The following RANBP6 variants were observed in gnomAD, a reference collection of about 807,000 sequenced individuals.
The protein encoded by RANBP6 is ran-binding protein 6.
Under a neutral mutation model 35.3 loss-of-function variants are expected in RANBP6, and 10 were observed. The ratio of observed to expected loss-of-function variants is 0.28; its 90% CI spans 0.17 to 0.48. The LOEUF (loss-of-function observed/expected upper bound fraction) is 0.48, where lower values mean the gene tolerates loss of function less well. Ranked by LOEUF, RANBP6 falls within the 20% of genes least tolerant of loss-of-function variation. The probability of loss-of-function intolerance (pLI) is 0.99; values close to 1 mark genes in which losing one functional copy is unlikely to be tolerated. For synonymous variants in RANBP6, 514 were observed against 464.2 expected (o/e 1.11, Z -1.38); for missense variants, 1,392 against 1,307.7 (o/e 1.06, Z -0.99).
chr9:6,012,919 C>G lies in RANBP6; in HGVS notation c.2689G>C (p.Asp897His). The G allele has an allele frequency of 1.2e-6, 2 of 1,614,132 alleles. No individual in the cohort carries two copies. The highest frequency in any genetic ancestry group is 1.7e-6 in the Non-Finnish European group (2 of 1,180,022). ...GGACTGCAGTGCTCTATGATGTCAT[C>G]AAATATGCACAATCCCCACTGTCTG... is the stretch of plus-strand genomic sequence containing the variant. ...PDRQWGLCIF[D>H]DIIEHCSPTS... The change falls in exon 1 of 1, where the codon GAT becomes CAT. Residue 897 changes from aspartate to histidine, a missense_variant. Asp to His is a moderately conservative substitution (Grantham distance 81, BLOSUM62 -1). Transcript: ENST00000259569.
In RANBP6 at chr9:6,011,843, A is replaced by G. The variant is rs374356592; in HGVS notation, c.*447T>C. ...TCCCATCACCACAAATACCAAGAGT[A>G]TTAATTAAAGAGGGACAAGCCTGCC... On this transcript the variant is annotated 3_prime_UTR_variant, in exon 1 of 1. Transcript: ENST00000259569. 1 of 154,082 alleles carries G rather than the reference A, an allele frequency of 6.5e-6. No homozygotes were observed. The highest frequency in any genetic ancestry group is 1.4e-5 in the Non-Finnish European group (1 of 69,278). The allele number at this position is 154,082 out of a possible 1,614,324, so 9.5% of individuals were successfully genotyped here.
In RANBP6 at chr9:6,014,241, C is replaced by G. The variant is rs747224335; in HGVS notation, c.1367G>C (p.Arg456Pro). ...CTGATTACCTTGATTTTCCATGGTA[C>G]GTAACAGAGCTGCAATCACTGTTTC... ...FHETVIAALL[R>P]TMENQGNQRV... is the part of the protein sequence containing the mutation. Residue 456 changes from arginine (R) to proline (P), a missense_variant, in exon 1 of 1, where the codon CGT becomes CCT. By Grantham distance (103) the Arg-to-Pro change is moderately radical (BLOSUM62 -2). Transcript: ENST00000259569. 6.2e-7 allele frequency: 1 copy of G among 1,613,972 alleles called. No individual in the cohort carries two copies. The highest frequency in any genetic ancestry group is 8.5e-7 in the Non-Finnish European group (1 of 1,179,958).
chr9:6,013,949 A>G lies in RANBP6; in HGVS notation c.1659T>C (p.Ala553=). Residue 553 remains alanine, a synonymous_variant, in exon 1 of 1, where the codon GCT becomes GCC. Transcript: ENST00000259569. The part of the protein sequence containing the change: ...MPSLKHIVEL[A]VQKELKLLRG... ...TCAGAAGCTTGAGTTCCTTCTGAACAGCAAGCTCAACAATGTGCTTTAGTG... is the reference window on the plus strand; with the variant it reads ...TCAGAAGCTTGAGTTCCTTCTGAACGGCAAGCTCAACAATGTGCTTTAGTG... 1.2e-6 allele frequency: 2 copies of G among 1,613,956 alleles called. No homozygotes were observed. The highest frequency in any genetic ancestry group is 8.5e-7 in the Non-Finnish European group (1 of 1,179,970).
chr9:6,013,603 T>C lies in RANBP6; in HGVS notation c.2005A>G (p.Asn669Asp). Reference sequence around the variant, plus strand: ...CCAAAACTCTGCTGGTCTCCAAGATTTACAAATTGCCAGCCATCATCGTCA... The same window carrying C: ...CCAAAACTCTGCTGGTCTCCAAGATCTACAAATTGCCAGCCATCATCGTCA... ...MSDDDGWQFV[N>D]LGDQQSFGIK... The change falls in exon 1 of 1, where the codon AAT (asparagine) becomes GAT (aspartate). Residue 669 changes from asparagine to aspartate, a missense_variant. Physicochemically the swap from Asn to Asp is conservative, Grantham distance 23 (BLOSUM62 1). Transcript: ENST00000259569. 5 of 1,614,228 alleles carry C rather than the reference T, an allele frequency of 3.1e-6. No individual in the cohort carries two copies. Among genetic ancestry groups the C allele is most frequent in the Non-Finnish European group, 4.2e-6 (5 of 1,180,042 alleles).
chr9:6,012,925 T>C lies in RANBP6; in HGVS notation c.2683A>G (p.Ile895Val), dbSNP rs780654827. 1.2e-6 allele frequency: 2 copies of C among 1,614,180 alleles called. No individual in the cohort carries two copies. The highest frequency in any genetic ancestry group is 2.2e-5 in the East Asian group (1 of 44,888). The change falls in exon 1 of 1, where the codon ATA becomes GTA. Residue 895 changes from isoleucine to valine, a missense_variant. Coordinates refer to ENST00000259569, the MANE Select transcript of RANBP6 (RefSeq NM_012416.4). Reference protein sequence around the residue: ...PWPDRQWGLCIFDDIIEHCSP... With the variant: ...PWPDRQWGLCVFDDIIEHCSP... Reference sequence around the variant, plus strand: ...CAGTGCTCTATGATGTCATCAAATATGCACAATCCCCACTGTCTGTCTGGC... The same window carrying C: ...CAGTGCTCTATGATGTCATCAAATACGCACAATCCCCACTGTCTGTCTGGC...
In RANBP6 at chr9:6,015,471, C is replaced by T. The variant is rs776400166; in HGVS notation, c.137G>A (p.Gly46Asp). ...QAEEIYENIP[G>D]LCKTTFLLDA... is the part of the protein sequence containing the mutation. Reference sequence around the variant, plus strand: ...TAAGAGGAAGGTAGTCTTACACAGACCTGGGATATTTTCATAGATTTCCTC... The same window carrying T: ...TAAGAGGAAGGTAGTCTTACACAGATCTGGGATATTTTCATAGATTTCCTC... The change falls in exon 1 of 1, where the codon GGT becomes GAT. Residue 46 changes from glycine (G) to aspartate (D), a missense_variant. Gly to Asp is a moderately conservative substitution (Grantham distance 94). Transcript: ENST00000259569. The T allele has an allele frequency of 2.5e-6, 4 of 1,614,120 alleles. No homozygotes were observed. Among genetic ancestry groups the T allele is most frequent in the Non-Finnish European group, 2.5e-6 (3 of 1,180,036 alleles).
In RANBP6 at chr9:6,014,072, T is replaced by A. The variant is rs1488982608; in HGVS notation, c.1536A>T (p.Gly512=). The part of the protein sequence containing the change: ...VIKLQELIRN[G]TKLALEQLVT... Reference sequence around the variant, plus strand: ...CAAGTTGTTCCAAAGCCAACTTAGTTCCATTCCGAATCAACTCTTGAAGTT... The same window carrying A: ...CAAGTTGTTCCAAAGCCAACTTAGTACCATTCCGAATCAACTCTTGAAGTT... The change falls in exon 1 of 1, where the codon GGA becomes GGT. Residue 512 remains glycine (G), a synonymous_variant. Transcript: ENST00000259569. 1.9e-6 allele frequency: 3 copies of A among 1,613,944 alleles called. No individual in the cohort carries two copies. Among genetic ancestry groups the A allele is most frequent in the Non-Finnish European group, 2.5e-6 (3 of 1,180,016 alleles).
At position 6,015,449 on chromosome 9, in the gene RANBP6, G is replaced by C. The variant is rs772808526; in HGVS notation, c.159C>G (p.Leu53=). Residue 53 remains leucine, a synonymous_variant, in exon 1 of 1, where the codon CTC becomes CTG. Transcript: ENST00000259569. ...CTCTTCTATTTCTGACGGCATCTAA[G>C]AGGAAGGTAGTCTTACACAGACCTG... ...NIPGLCKTTF[L]LDAVRNRRAG... is the part of the protein sequence containing the mutation. The C allele has an allele frequency of 1.9e-6, 3 of 1,614,210 alleles. No homozygotes were observed. The highest frequency in any genetic ancestry group is 1.7e-5 in the Admixed American group (1 of 60,032).
rs1418043357 is a variant in RANBP6 at position 6,014,461 on chromosome 9, G to C, written c.1147C>G (p.Arg383Gly). Residue 383 changes from arginine (R) to glycine (G), a missense_variant, in exon 1 of 1, where the codon CGA becomes GGA. Transcript: ENST00000259569. ...QMLQSPDWKY[R>G]HAGLMALSAI... ...GATAAGGCCATTAATCCAGCATGTC[G>C]ATACTTCCAGTCAGGGCTCTGAAGC... 1.2e-6 allele frequency: 2 copies of C among 1,614,138 alleles called. No homozygotes were observed. The highest frequency in any genetic ancestry group is 1.7e-6 in the Non-Finnish European group (2 of 1,180,036).
rs140782366 is a variant in RANBP6, at chr9:6,014,071, T to C, written c.1537A>G (p.Thr513Ala). Residue 513 changes from threonine to alanine, a missense_variant, in exon 1 of 1, where the codon ACT becomes GCT. Transcript: ENST00000259569. Reference sequence around the variant, plus strand: ...ACAAGTTGTTCCAAAGCCAACTTAGTTCCATTCCGAATCAACTCTTGAAGT... The same window carrying C: ...ACAAGTTGTTCCAAAGCCAACTTAGCTCCATTCCGAATCAACTCTTGAAGT... ...IKLQELIRNGTKLALEQLVTT... is the reference protein window; with the variant it reads ...IKLQELIRNGAKLALEQLVTT... 170 of 1,614,030 alleles carry C rather than the reference T, an allele frequency of 1.1e-4. 1 individual carries two copies. In the East Asian group the frequency reaches 2.5e-3, roughly 23 times the overall value.
Position 6,011,160 on chromosome 9 carries a change from A to C in RANBP6, c.*1130T>G, listed in dbSNP as rs1275341703. On this transcript the variant is annotated 3_prime_UTR_variant, in exon 1 of 1. Coordinates refer to ENST00000259569, the MANE Select transcript of RANBP6 (RefSeq NM_012416.4). ...TATTTAAGTTTTGGATCAATGAGTA[A>C]TCGTTAGCTGAGTAGAAAGCTCTTT... The C allele has an allele frequency of 6.6e-6, 1 of 152,212 alleles. No homozygotes were observed. The highest frequency in any genetic ancestry group is 2.4e-5 in the African/African-American group (1 of 41,452). The allele number at this position is 152,212 out of a possible 1,614,324, so 9.4% of individuals were successfully genotyped here.
In RANBP6 at chr9:6,014,158, A is replaced by T. The variant is rs1262062071; in HGVS notation, c.1450T>A (p.Ser484Thr). The T allele has an allele frequency of 1.2e-6, 2 of 1,613,996 alleles. No individual in the cohort carries two copies. The highest frequency in any genetic ancestry group is 1.7e-5 in the Admixed American group (1 of 60,010). ...CTATCCACATATAGAACTAGCAATGATTTAGGGCAGTCTTCAATAAAAATA... is the reference window on the plus strand; with the variant it reads ...CTATCCACATATAGAACTAGCAATGTTTTAGGGCAGTCTTCAATAAAAATA... ...LIIFIEDCPK[S>T]LLVLYVDSMV... The change falls in exon 1 of 1, where the codon TCA (serine) becomes ACA (threonine). Residue 484 changes from serine (S) to threonine (T), a missense_variant. Coordinates refer to ENST00000259569, the MANE Select transcript of RANBP6 (RefSeq NM_012416.4).
chr9:6,014,781 T>C lies in RANBP6; in HGVS notation c.827A>G (p.Asp276Gly), dbSNP rs779628451. The change falls in exon 1 of 1, where the codon GAC (aspartate) becomes GGC (glycine). Residue 276 changes from aspartate to glycine, a missense_variant. Asp to Gly is a moderately conservative substitution (Grantham distance 94). Coordinates refer to ENST00000259569, the MANE Select transcript of RANBP6 (RefSeq NM_012416.4). ...TLQLSLKLCG[D>G]SRLSNLQRQL... is the part of the protein sequence containing the mutation. ...GCGCTGCAGATTACTAAGCCTAGAG[T>C]CTCCACATAACTTCAAACTCAACTG... 6.2e-7 allele frequency: 1 copy of C among 1,613,984 alleles called. No individual in the cohort carries two copies. The highest frequency in any genetic ancestry group is 8.5e-7 in the Non-Finnish European group (1 of 1,180,010).
At position 6,015,068 on chromosome 9, in the gene RANBP6, G is replaced by T; in HGVS notation, c.540C>A (p.Ile180=). 1 of 1,614,138 alleles carries T rather than the reference G, an allele frequency of 6.2e-7. No homozygotes were observed. The highest frequency in any genetic ancestry group is 8.5e-7 in the Non-Finnish European group (1 of 1,180,034). The change falls in exon 1 of 1, where the codon ATC becomes ATA. Residue 180 remains isoleucine, a synonymous_variant. Transcript: ENST00000259569. ...FGTQERHDLD[I]IKRLLDQCIQ... is the part of the protein sequence containing the mutation. ...TACACTGGTCCAACAACCGTTTGAT[G>T]ATATCCAAATCATGCCGCTCTTGGG...
Position 6,012,932 on chromosome 9 carries a change from T to A in RANBP6, c.2676A>T (p.Gly892=), listed in dbSNP as rs750391984. 15 of 1,614,148 alleles carry A rather than the reference T, an allele frequency of 9.3e-6. No individual in the cohort carries two copies. The Admixed American group carries it at 2.5e-4, about 27-fold the overall frequency. The change falls in exon 1 of 1, where the codon GGA becomes GGT. Residue 892 remains glycine (G), a synonymous_variant. Transcript: ENST00000259569. The part of the protein sequence containing the change: ...SSRPWPDRQW[G]LCIFDDIIEH... ...CTATGATGTCATCAAATATGCACAA[T>A]CCCCACTGTCTGTCTGGCCATGGCC...
chr9:6,015,424 C>T lies in RANBP6; in HGVS notation c.184G>A (p.Ala62Thr). 6.2e-7 allele frequency: 1 copy of T among 1,614,182 alleles called. No individual in the cohort carries two copies. Among genetic ancestry groups the T allele is most frequent in the Non-Finnish European group, 8.5e-7 (1 of 1,180,024 alleles). Residue 62 changes from alanine to threonine, a missense_variant, in exon 1 of 1, where the codon GCA becomes ACA. Transcript: ENST00000259569. ...FLLDAVRNRR[A>T]GYEVRQMAAA... is the part of the protein sequence containing the mutation. ...GCCATTTGTCTCACCTCATAACCTG[C>T]TCTTCTATTTCTGACGGCATCTAAG...
In RANBP6 at chr9:6,014,809, G is replaced by C. The variant is rs748055944; in HGVS notation, c.799C>G (p.Leu267Val). 14 of 1,614,048 alleles carry C rather than the reference G, an allele frequency of 8.7e-6. No individual in the cohort carries two copies. Among genetic ancestry groups the C allele is most frequent in the South Asian group, 4.4e-5 (4 of 91,088 alleles). ...KYLGPYLEDTLQLSLKLCGDS... is the reference protein window; with the variant it reads ...KYLGPYLEDTVQLSLKLCGDS... ...CCACATAACTTCAAACTCAACTGTA[G>C]AGTATCTTCTAAATAAGGACCCAAG... is the stretch of plus-strand genomic sequence containing the variant. Residue 267 changes from leucine (L) to valine (V), a missense_variant, in exon 1 of 1, where the codon CTA (leucine) becomes GTA (valine). By Grantham distance (32) the Leu-to-Val change is conservative (BLOSUM62 1). Transcript: ENST00000259569.
At position 6,013,256 on chromosome 9, in the gene RANBP6, G is replaced by A. The variant is rs1298240144; in HGVS notation, c.2352C>T (p.Ser784=). Residue 784 remains serine, a synonymous_variant, in exon 1 of 1, where the codon TCC becomes TCT. Transcript: ENST00000259569. ...LSEIMNSFAK[S]IEVMGDGCLN... ...GGCAACCATCTCCCATAACTTCAAT[G>A]GACTTTGCAAAAGAATTCATTATTT... is the stretch of plus-strand genomic sequence containing the variant. 6.8e-6 allele frequency: 11 copies of A among 1,613,900 alleles called. No individual in the cohort carries two copies. In the East Asian group the frequency reaches 2.2e-4, roughly 33 times the overall value.
Position 6,012,856 on chromosome 9 carries a change from T to C in RANBP6, c.2752A>G (p.Met918Val), listed in dbSNP as rs771133705. 3.7e-6 allele frequency: 6 copies of C among 1,614,018 alleles called. No individual in the cohort carries two copies. Among genetic ancestry groups the C allele is most frequent in the Non-Finnish European group, 2.5e-6 (3 of 1,179,960 alleles). ...FKYVEYFRWP[M>V]LLNMRDNNPE... The stretch of plus-strand genomic sequence containing the variant: ...TTGTTATCTCGCATATTTAGTAGCA[T>C]TGGCCACCGAAAATATTCTACATAT... Residue 918 changes from methionine (M) to valine (V), a missense_variant, in exon 1 of 1, where the codon ATG becomes GTG. Transcript: ENST00000259569.
Sources: gnomAD v4.1 joint callset for allele counts on GRCh38, gnomAD v4.1.1 for gene constraint, MANE v1.5 for transcripts, NCBI Gene and HGNC (gene_info 2026-07-23, HGNC 2026-07-21) for gene names.